Variants in MAP4K4 observed in about 807,000 individuals in gnomAD.
MAP4K4 encodes the protein mitogen-activated protein kinase kinase kinase kinase 4.
A neutral mutation model predicts 189.6 loss-of-function variants in MAP4K4; 38 were observed. That is an observed-to-expected ratio of 0.20 (90% CI 0.15 to 0.26). The LOEUF is 0.26. Ranked by LOEUF, MAP4K4 falls within the 10% of genes least tolerant of loss-of-function variation. The pLI is 1.00. For missense variants in MAP4K4, 1,054 were observed against 1,726.9 expected, an observed-to-expected ratio of 0.61 and a Z score of 6.91; for synonymous variants, 610 against 624.3, an observed-to-expected ratio of 0.98 and a Z score of 0.34.
chr2:101,884,351 G>A (rs546417831), intron 28 of MAP4K4, among the ~76,000 whole-genome samples: 1 of 152,272 alleles, frequency 6.6e-6, no homozygotes, highest in African/African-American at 2.4e-5. Context: ...TTCTATCATC[G>A]CAGAAGTCTA....
At chr2:101,751,703 T>C (rs1221031602) in intron 2 of MAP4K4, among the ~76,000 whole-genome samples, 1 of 152,082 alleles carries the variant, frequency 6.6e-6, no homozygotes, top group African/African-American at 2.4e-5. Context: ...TGTTAGGAGG[T>C]GCTGAAACTA....
intron 28 of MAP4K4, among the ~76,000 whole-genome samples, chr2:101,882,960 G>T (rs997045270): frequency 6.6e-6 from 1 of 152,186 alleles, no homozygotes; most frequent in Admixed American, 6.5e-5. Context: ...TGTGCATCTT[G>T]TGAGAGTCTT....
intron 18 of MAP4K4, among the ~76,000 whole-genome samples, chr2:101,865,524 A>C (rs540935141): frequency 6.6e-6 from 1 of 152,234 alleles, no homozygotes; most frequent in Non-Finnish European, 1.5e-5. Context: ...AAGCTTCCTT[A>C]TATTTAAATT....
intron 2 of MAP4K4, among the ~76,000 whole-genome samples, chr2:101,778,517 T>A (rs879253113): frequency 6.6e-6 from 1 of 151,990 alleles, no homozygotes; most frequent in South Asian, 2.1e-4. Context: ...TTTGGGGGGA[T>A]ACCTTGGCAG....
chr2:101,776,344 C>T (rs7566896), intron 2 of MAP4K4, among the ~76,000 whole-genome samples: 140,618 of 152,160 alleles, frequency 0.92, 65,133 homozygotes, highest in East Asian at 1. Context: ...TTCAGGTTCA[C>T]GTGTGAGCAT....
At chr2:101,733,744 A>T (rs184604854) in intron 2 of MAP4K4, among the ~76,000 whole-genome samples, 158 of 152,354 alleles carry the variant, frequency 1.0e-3, no homozygotes, top group African/African-American at 3.6e-3. Context: ...GTGTAGTGCC[A>T]GCCAGTGGTT....
chr2:101,873,650 C>G (rs778988891), exon 25 of MAP4K4: 27 of 1,557,050 alleles, frequency 1.7e-5, no homozygotes, highest in Non-Finnish European at 2.4e-5. Context: ...ATTGCAGACT[C>G]AGTCCGCTAG....
At chr2:101,706,333 C>T (rs1354282976) in intron 2 of MAP4K4, among the ~76,000 whole-genome samples, 3 of 152,142 alleles carry the variant, frequency 2.0e-5, no homozygotes, top group African/African-American at 4.8e-5. Context: ...TTGCTGCCTC[C>T]CTTAAGTGGG....
chr2:101,750,270 A>T (rs1334052018), intron 2 of MAP4K4, among the ~76,000 whole-genome samples: 1 of 138,318 alleles, frequency 7.2e-6, no homozygotes, highest in Non-Finnish European at 1.5e-5. Flanking sequence ...CAAATGTCCA[A>T]CAATGATAGA....
At chr2:101,768,920 T>C (rs1182272609) in intron 2 of MAP4K4, among the ~76,000 whole-genome samples, 2 of 152,212 alleles carry the variant, frequency 1.3e-5, no homozygotes, top group Non-Finnish European at 2.9e-5. Context: ...GTGGCCACAG[T>C]TGGTGTAAGC....
At chr2:101,866,095 C>T (rs541903466) in intron 18 of MAP4K4, among the ~76,000 whole-genome samples, 74 of 152,262 alleles carry the variant, frequency 4.9e-4, no homozygotes, top group Non-Finnish European at 8.2e-4. Context: ...TATACAAATA[C>T]GGAGTGTTTT....
At chr2:101,752,351 C>T (rs535196555) in intron 2 of MAP4K4, among the ~76,000 whole-genome samples, 1 of 152,286 alleles carries the variant, frequency 6.6e-6, no homozygotes, top group East Asian at 1.9e-4. Context: ...ACCAGCTTGT[C>T]TCTTACGGAG....
intron 2 of MAP4K4, among the ~76,000 whole-genome samples, chr2:101,705,141 A>G (rs149141442): frequency 1.6e-4 from 25 of 152,340 alleles, no homozygotes; most frequent in Non-Finnish European, 2.9e-4. Context: ...TTTGTTATCT[A>G]GATAGCATTA....
At chr2:101,767,635 G>C (rs1387219922) in intron 2 of MAP4K4, among the ~76,000 whole-genome samples, 1 of 152,194 alleles carries the variant, frequency 6.6e-6, no homozygotes, top group African/African-American at 2.4e-5. Flanking sequence ...CTCACCTTTA[G>C]AGATGGGTCT....
chr2:101,736,615 C>G (rs527862960), intron 2 of MAP4K4, among the ~76,000 whole-genome samples: 26 of 152,214 alleles, frequency 1.7e-4, no homozygotes, highest in African/African-American at 6.0e-4. Flanking sequence ...TATTGCTGAC[C>G]CTCTGTCATT....
At chr2:101,698,122 C>A in exon 1 of MAP4K4, 1 of 1,265,756 alleles carries the variant, frequency 7.9e-7, no homozygotes, top group Non-Finnish European at 1.0e-6. Context: ...TGGACATCGA[C>A]CTCTCCTCCC....
At chr2:101,858,054 T>G (rs1321294618) in intron 13 of MAP4K4, among the ~76,000 whole-genome samples, 3 of 152,190 alleles carry the variant, frequency 2.0e-5, no homozygotes, top group Non-Finnish European at 4.4e-5. Flanking sequence ...TCAAGGTTAT[T>G]TCATATCAAT....
At chr2:101,698,859 C>T (rs35510684) in intron 2 of MAP4K4, among the ~76,000 whole-genome samples, 41,557 of 151,964 alleles carry the variant, frequency 0.27, 6,558 homozygotes, top group South Asian at 0.49. Flanking sequence ...CAAATCCGGC[C>T]TTCTGAGTTT....
At chr2:101,753,097 C>T (rs1452463544) in intron 2 of MAP4K4, among the ~76,000 whole-genome samples, 1 of 152,172 alleles carries the variant, frequency 6.6e-6, no homozygotes, top group Non-Finnish European at 1.5e-5. Context: ...CTCATTTAAT[C>T]TCTCAAATTA....
Sources: gnomAD v4.1 joint callset for allele counts (sites outside exome capture counted in the v4.1 genomes callset) on GRCh38, gnomAD v4.1.1 for gene constraint, MANE v1.5 for transcripts, NCBI Gene and HGNC (gene_info 2026-07-23, HGNC 2026-07-21) for gene names.